Variants in LEPR observed in about 807,000 individuals in gnomAD.
LEPR encodes the protein OB receptor.
A neutral mutation model predicts 114.7 loss-of-function variants in LEPR; 56 were observed. The observed-to-expected ratio is 0.49, with a 90% confidence interval of 0.39 to 0.61. The LOEUF is 0.61. LEPR is among the 20% of genes least tolerant of loss of function. The probability of loss-of-function intolerance (pLI) is 0.00; values close to 1 mark genes in which losing one functional copy is unlikely to be tolerated. For synonymous variants in LEPR, 443 were observed against 461.4 expected (o/e 0.96, Z 0.51); for missense variants, 1,202 against 1,352.9 (o/e 0.89, Z 1.75).
intron 19 of LEPR, among the ~76,000 whole-genome samples, chr1:65,630,621 A>T (rs1157521298): frequency 6.6e-6 from 1 of 151,510 alleles, no homozygotes; most frequent in Non-Finnish European, 1.5e-5. Context: ...TAGAATCTGT[A>T]TGTTGGATGA....
chr1:65,491,828 G>T (rs1444237458), intron 2 of LEPR, among the ~76,000 whole-genome samples: 1 of 152,044 alleles, frequency 6.6e-6, no homozygotes, highest in African/African-American at 2.4e-5. Context: ...AAAGTAAAAT[G>T]GATTGTTTCT....
chr1:65,615,868 G>T, intron 14 of LEPR, 140 bp from the exon 15 acceptor site: 1 of 1,112,694 alleles, frequency 9.0e-7, no homozygotes, highest in Non-Finnish European at 1.3e-6. Flanking sequence ...CATCTCCCCA[G>T]CCTCTCAGCC....
At chr1:65,531,212 A>G (rs951564848) in intron 2 of LEPR, among the ~76,000 whole-genome samples, 1 of 152,050 alleles carries the variant, frequency 6.6e-6, no homozygotes, top group African/African-American at 2.4e-5. Context: ...TTTCTTGACT[A>G]TATTAGAAAC....
chr1:65,578,474 A>G (rs902243481), intron 5 of LEPR: 8 of 197,882 alleles, frequency 4.0e-5, no homozygotes, highest in Admixed American at 3.7e-4. Flanking sequence ...TCCTCCTGCC[A>G]CAGCCCCTGT....
intron 2 of LEPR, among the ~76,000 whole-genome samples, chr1:65,444,757 T>C (rs1363164427): frequency 6.6e-6 from 1 of 152,242 alleles, no homozygotes; most frequent in Non-Finnish European, 1.5e-5. Flanking sequence ...TTGAATTCTT[T>C]ATGTTATTAC....
At chr1:65,489,595 C>T (rs1461401019) in intron 2 of LEPR, among the ~76,000 whole-genome samples, 3 of 152,058 alleles carry the variant, frequency 2.0e-5, no homozygotes, top group African/African-American at 7.2e-5. Flanking sequence ...GTTTCTCTTG[C>T]CACATAGAAG....
chr1:65,422,951 A>G (rs1646282006), intron 1 of LEPR, among the ~76,000 whole-genome samples: 1 of 152,214 alleles, frequency 6.6e-6, no homozygotes, highest in African/African-American at 2.4e-5. Flanking sequence ...GGCAGGAATA[A>G]GAGGTTAAGG....
At chr1:65,445,278 A>G (rs940429539) in intron 2 of LEPR, among the ~76,000 whole-genome samples, 3 of 152,232 alleles carry the variant, frequency 2.0e-5, no homozygotes, top group Non-Finnish European at 2.9e-5. Flanking sequence ...TGTTCAATGT[A>G]TATTTGGACA....
intron 2 of LEPR, chr1:65,433,478 A>G (rs763148303): frequency 7.1e-6 from 7 of 985,322 alleles, no homozygotes; most frequent in Non-Finnish European, 7.2e-6. Flanking sequence ...AATACAACCA[A>G]TAGTCTTTAA....
chr1:65,634,706 G>A (rs1486594733), intron 19 of LEPR: 5 of 955,824 alleles, frequency 5.2e-6, no homozygotes, highest in African/African-American at 3.5e-5. Flanking sequence ...TGGTTTTTTT[G>A]TATGTATTCC....
chr1:65,610,624 C>T (rs903412750), intron 14 of LEPR, among the ~76,000 whole-genome samples: 2 of 152,150 alleles, frequency 1.3e-5, no homozygotes, highest in African/African-American at 2.4e-5. Flanking sequence ...TTCTTGGAGT[C>T]TAAAAATTGT....
At chr1:65,589,567 A>C (rs895762255) in intron 5 of LEPR, among the ~76,000 whole-genome samples, 4 of 152,030 alleles carry the variant, frequency 2.6e-5, no homozygotes, top group Non-Finnish European at 5.9e-5. Flanking sequence ...ATTTAGATTT[A>C]TGATTCATTT....
intron 14 of LEPR, among the ~76,000 whole-genome samples, chr1:65,613,278 T>C (rs1204814020): frequency 6.6e-6 from 1 of 152,144 alleles, no homozygotes; most frequent in Non-Finnish European, 1.5e-5. Flanking sequence ...CCCCCGTCAT[T>C]GTGGGGTTTT....
chr1:65,508,591 T>C (rs148716534), intron 2 of LEPR, among the ~76,000 whole-genome samples: 10 of 152,302 alleles, frequency 6.6e-5, no homozygotes, highest in African/African-American at 2.4e-4. Context: ...TACTATAATT[T>C]AGTAATATAT....
intron 2 of LEPR, chr1:65,433,526 A>G (rs989136748): frequency 3.0e-6 from 3 of 985,304 alleles, no homozygotes; most frequent in African/African-American, 3.5e-5. Context: ...CATTCAAAAC[A>G]CTTAATCCTT....
chr1:65,467,651 T>C (rs1488679949), intron 2 of LEPR, among the ~76,000 whole-genome samples: 1 of 152,226 alleles, frequency 6.6e-6, no homozygotes, highest in Non-Finnish European at 1.5e-5. Flanking sequence ...AGGTGGAATC[T>C]ATAGAGGCAG....
chr1:65,620,077 T>C lies in LEPR; in HGVS notation c.2491+54T>C, dbSNP rs892751107. ...ACACCAATGTGTGTGCCTAATTTGTTTGCAGTAATATTGCCATCTGATTAT... is the reference window on the plus strand; with the variant it reads ...ACACCAATGTGTGTGCCTAATTTGTCTGCAGTAATATTGCCATCTGATTAT... On this transcript the variant is annotated intron_variant, in intron 17 of 19. Transcript: ENST00000349533. 1.0e-5 allele frequency: 14 copies of C among 1,339,650 alleles called. No individual in the cohort carries two copies. In the Admixed American group the frequency reaches 1.2e-4, roughly 12 times the overall value. The allele number at this position is 1,339,650 out of a possible 1,614,324, so 83.0% of individuals were successfully genotyped here.
chr1:65,428,308 C>G (rs928851403), intron 2 of LEPR, among the ~76,000 whole-genome samples: 1 of 152,154 alleles, frequency 6.6e-6, no homozygotes, highest in African/African-American at 2.4e-5. Flanking sequence ...TTTCACAAAA[C>G]TGTCACTGTA....
chr1:65,553,432 T>A (rs938406634), intron 2 of LEPR, among the ~76,000 whole-genome samples: 6 of 152,252 alleles, frequency 3.9e-5, no homozygotes, highest in African/African-American at 9.6e-5. Context: ...TCTTTTTTTT[T>A]AATCTTGTCT....
Sources: gnomAD v4.1 joint callset for allele counts (sites outside exome capture counted in the v4.1 genomes callset) on GRCh38, gnomAD v4.1.1 for gene constraint, MANE v1.5 for transcripts, NCBI Gene and HGNC (gene_info 2026-07-23, HGNC 2026-07-21) for gene names.